DNAH9: variants seen among roughly 807,000 people sequenced by gnomAD.
The protein encoded by DNAH9 is dynein axonemal heavy chain 9.
In DNAH9, 345 loss-of-function variants were observed where a neutral mutation model predicts 471.6. The observed-to-expected ratio is 0.73, with a 90% CI of 0.67 to 0.80. DNAH9 has a LOEUF of 0.80. Ranked by LOEUF, DNAH9 falls within the 30% of genes least tolerant of loss-of-function variation. The pLI is 0.00. For synonymous variants in DNAH9, 2,093 were observed against 2,123.6 expected, an observed-to-expected ratio of 0.99 and a Z score of 0.40; for missense variants, 5,407 against 5,609.2, an observed-to-expected ratio of 0.96 and a Z score of 1.15.
chr17:11,821,503 A>T (rs1055102835), intron 45 of DNAH9, among the ~76,000 whole-genome samples: 1 of 152,034 alleles, frequency 6.6e-6, no homozygotes, highest in Non-Finnish European at 1.5e-5. Context: ...ACCTATCTGT[A>T]TGTTTGTTAT....
Position 11,834,769 on chromosome 17 carries a change from T to G in DNAH9, c.9378T>G (p.Asp3126Glu). ...TGAGCAGAGAGAAAGCCATGGCAGA[T>G]GAAGAGGAGCAGAAGGTGGCCGTCA... ...DKVSREKAMADEEEQKVAVIM... is the reference protein window; with the variant it reads ...DKVSREKAMAEEEEQKVAVIM... The change falls in exon 49 of 69, where the codon GAT (aspartate) becomes GAG (glutamate). Residue 3126 changes from aspartate (D) to glutamate (E), a missense_variant. By Grantham distance (45) the Asp-to-Glu change is conservative (BLOSUM62 2). Coordinates refer to ENST00000262442, the MANE Select transcript of DNAH9 (RefSeq NM_001372.4). 3 of 1,613,914 alleles carry G rather than the reference T, an allele frequency of 1.9e-6. No individual in the cohort carries two copies. Among genetic ancestry groups the G allele is most frequent in the Non-Finnish European group, 2.5e-6 (3 of 1,180,002 alleles).
chr17:11,763,697 G>A, intron 36 of DNAH9, 83 bp downstream of exon 36: 2 of 1,332,884 alleles, frequency 1.5e-6, no homozygotes, highest in African/African-American at 1.4e-5. Context: ...TTGGAAGACA[G>A]GACAGCTAAA....
intron 35 of DNAH9, among the ~76,000 whole-genome samples, chr17:11,762,770 G>GTTTGTTTGTTTGT (rs1193246497): frequency 6.6e-5 from 6 of 90,744 alleles, no homozygotes; most frequent in Non-Finnish European, 8.7e-5. Context: ...TTTTTTTTTT[G>GTTTGTTTGTTTGT]TTTTTTTTTT....
intron 32 of DNAH9, 98 bp downstream of exon 32, chr17:11,747,864 G>A: frequency 8.7e-7 from 1 of 1,146,562 alleles, no homozygotes; most frequent in Non-Finnish European, 1.3e-6. Flanking sequence ...GCAAACATTG[G>A]ACTGATCTGT....
At position 11,937,600 on chromosome 17, in the gene DNAH9, C is replaced by G; in HGVS notation, c.12660+78C>G. On this transcript the variant is annotated intron_variant, in intron 66 of 68. Coordinates refer to ENST00000262442, the MANE Select transcript of DNAH9 (RefSeq NM_001372.4). This position sits in a 1 kb window ranked among gnomAD's most constrained non-coding sequence, Gnocchi z 4.1. Reference sequence around the variant, plus strand: ...AGATGCACACCTTTCTCCTGCTGGCCATTTTGGCAGTACACAGCATAGACA... The same window carrying G: ...AGATGCACACCTTTCTCCTGCTGGCGATTTTGGCAGTACACAGCATAGACA... 6.7e-7 allele frequency: 1 copy of G among 1,481,936 alleles called. No individual in the cohort carries two copies. Among genetic ancestry groups the G allele is most frequent in the Non-Finnish European group, 9.0e-7 (1 of 1,107,698 alleles). 91.8% of individuals were successfully genotyped at this position (1,481,936 alleles called of 1,614,324 possible). A position where few individuals can be genotyped will look rare whatever the true frequency, so the allele number is the denominator to read the frequency against.
chr17:11,698,581 A>G (rs1309249319), intron 22 of DNAH9, among the ~76,000 whole-genome samples: 1 of 151,828 alleles, frequency 6.6e-6, no homozygotes, highest in African/African-American at 2.4e-5. Flanking sequence ...TTCACAGTTT[A>G]CCTAAACACT....
chr17:11,733,860 CAA>C lies in DNAH9; in HGVS notation c.5815-5002_5815-5001del, dbSNP rs57515310. Among the ~76,000 whole-genome samples the C allele has an allele frequency of 2.7e-3, 304 of 113,082 alleles. 2 individuals are homozygous for C. Among genetic ancestry groups the C allele is most frequent in the Middle Eastern group, 4.5e-3 (1 of 220 alleles). 74.2% of individuals were successfully genotyped at this position (113,082 alleles called of 152,430 possible). On this transcript the variant is annotated intron_variant, in intron 28 of 68. Coordinates refer to ENST00000262442, the MANE Select transcript of DNAH9 (RefSeq NM_001372.4). Reference sequence around the variant, plus strand: ...TGGGCAACAGAGCAAGACTCCATCTCAAAAAAAAAAAAAAAAAAAGTAAAACC... The same window carrying C: ...TGGGCAACAGAGCAAGACTCCATCTCAAAAAAAAAAAAAAAAAGTAAAACC...
intron 1 of DNAH9, among the ~76,000 whole-genome samples, chr17:11,600,535 G>T (rs1375081240): frequency 2.0e-5 from 3 of 152,224 alleles, no homozygotes; most frequent in East Asian, 1.9e-4. Flanking sequence ...TTTCATTGGT[G>T]CATTGAAAGA....
intron 14 of DNAH9, among the ~76,000 whole-genome samples, chr17:11,663,723 A>T (rs2073816338): frequency 6.6e-6 from 1 of 152,250 alleles, no homozygotes; most frequent in South Asian, 2.1e-4. Context: ...ATAGCTTGAC[A>T]GTAAGAGAAG....
At chr17:11,720,550 A>G (rs79914527) in intron 27 of DNAH9, among the ~76,000 whole-genome samples, 8,734 of 152,292 alleles carry the variant, frequency 0.057, 309 homozygotes, top group South Asian at 0.13. Flanking sequence ...TTTGCAGTGA[A>G]AAAAAGTTGC....
chr17:11,748,204 G>C (rs1179124836), intron 32 of DNAH9, among the ~76,000 whole-genome samples: 1 of 148,056 alleles, frequency 6.8e-6, no homozygotes, highest in Admixed American at 6.8e-5. Flanking sequence ...GTGCACATCT[G>C]TAGTCCCAGC....
chr17:11,693,991 C>G lies in DNAH9; in HGVS notation c.4738C>G (p.Gln1580Glu), dbSNP rs146637459. The change falls in exon 21 of 69, where the codon CAG (glutamine) becomes GAG (glutamate). Residue 1580 changes from glutamine (Q) to glutamate (E), a missense_variant. Transcript: ENST00000262442. Reference protein sequence around the residue: ...PGLYEKLEDIQGRLCLCEKAL... With the variant: ...PGLYEKLEDIEGRLCLCEKAL... ...CCTGTATGAAAAGCTGGAGGATATT[C>G]AGGGCAGGTGAGGGTCCGCCCATTA... The G allele has an allele frequency of 6.8e-5, 110 of 1,613,874 alleles. No homozygotes were observed. Among genetic ancestry groups the G allele is most frequent in the Non-Finnish European group, 9.0e-5 (106 of 1,179,974 alleles).
rs544306388 is a variant in DNAH9, at chr17:11,691,192, A to G, written c.4614+756A>G. 2.6e-5 allele frequency among the ~76,000 whole-genome samples: 4 copies of G among 152,306 alleles called. No homozygotes were observed. The East Asian group carries it at 5.8e-4, about 22-fold the overall frequency. ...ACATAGTTTTCCTGCTAATCCCAAA[A>G]AGCATATTTAGTGTAATACTATAGA... On this transcript the variant is annotated intron_variant, in intron 20 of 68. Transcript: ENST00000262442.
Position 11,598,714 on chromosome 17 carries a change from G to T in DNAH9, c.216G>T (p.Leu72=). The stretch of plus-strand genomic sequence containing the variant: ...CTGCCGAGGGGCCGCGGCCGCTGCT[G>T]GTGGTGCGGCCCGGGCCCAGGGGCC... ...RDAAEGPRPL[L]VVRPGPRGLA... The change falls in exon 1 of 69, where the codon CTG becomes CTT. Residue 72 remains leucine (L), a synonymous_variant. Coordinates refer to ENST00000262442, the MANE Select transcript of DNAH9 (RefSeq NM_001372.4). The T allele has an allele frequency of 3.6e-6, 5 of 1,378,682 alleles. No homozygotes were observed. Among genetic ancestry groups the T allele is most frequent in the Non-Finnish European group, 4.7e-6 (5 of 1,073,166 alleles). 85.4% of individuals were successfully genotyped at this position (1,378,682 alleles called of 1,614,324 possible). A position where few individuals can be genotyped will look rare whatever the true frequency, so the allele number is the denominator to read the frequency against.
At chr17:11,693,237 CTTTT>C (rs776422086) in intron 20 of DNAH9, among the ~76,000 whole-genome samples, 12 of 77,432 alleles carry the variant, frequency 1.5e-4, no homozygotes, top group African/African-American at 4.5e-4. Context: ...TTAAAATGCC[CTTTT>C]TTTTTTTTTT....
Position 11,742,352 on chromosome 17 carries a change from C to T in DNAH9, c.6111+39C>T, listed in dbSNP as rs754190492. The T allele has an allele frequency of 3.1e-6, 5 of 1,598,458 alleles. No individual in the cohort carries two copies. In the Admixed American group the frequency reaches 6.8e-5, roughly 22 times the overall value. ...GGAGGCTGTACAACCAAGCACCGTG[C>T]AACAGCCCCAGCTCTGGAAAAGTTC... On this transcript the variant is annotated intron_variant, in intron 30 of 68. Coordinates refer to ENST00000262442, the MANE Select transcript of DNAH9 (RefSeq NM_001372.4).
At chr17:11,910,272 C>G (rs1194242377) in intron 61 of DNAH9, among the ~76,000 whole-genome samples, 1 of 151,960 alleles carries the variant, frequency 6.6e-6, no homozygotes, top group Non-Finnish European at 1.5e-5. Context: ...AAAAAATTGC[C>G]TATTCTGGAC....
chr17:11,718,326 C>T, intron 26 of DNAH9, among the ~76,000 whole-genome samples: 1 of 152,244 alleles, frequency 6.6e-6, no homozygotes, highest in Non-Finnish European at 1.5e-5. Flanking sequence ...CTTATCCATT[C>T]ACTGTTGATA....
intron 1 of DNAH9, among the ~76,000 whole-genome samples, chr17:11,605,674 A>T (rs1190234190): frequency 2.9e-4 from 42 of 145,038 alleles, no homozygotes; most frequent in African/African-American, 8.8e-4. Flanking sequence ...CAATTTTTCT[A>T]TTTTTTTTTT....
Sources: gnomAD v4.1 joint callset for allele counts (sites outside exome capture counted in the v4.1 genomes callset) on GRCh38, gnomAD v4.1.1 for gene constraint, Gnocchi (gnomAD v3.1) non-coding constraint, MANE v1.5 for transcripts, NCBI Gene and HGNC (gene_info 2026-07-23, HGNC 2026-07-21) for gene names.